Variants in ORC3 observed in about 807,000 individuals in gnomAD.
ORC3 encodes the protein origin recognition complex subunit 3.
ORC3 carries 78 observed loss-of-function variants against 100.7 expected under a neutral mutation model. The observed-to-expected ratio is 0.77, with a 90% CI of 0.65 to 0.94. The LOEUF is 0.94. Among genes scored for constraint, ORC3 ranks in the 40% least tolerant of loss-of-function variants. ORC3 has a pLI of 0.00. For synonymous variants in ORC3, 295 were observed against 289.3 expected (o/e 1.02, Z -0.20); for missense variants, 789 against 823.9 (o/e 0.96, Z 0.52).
At chr6:87,611,674 C>T (rs1263297478) in intron 7 of ORC3, among the ~76,000 whole-genome samples, 3 of 151,466 alleles carry the variant, frequency 2.0e-5, no homozygotes. Flanking sequence ...CCCAGCTACT[C>T]GGGAGGCTGA....
downstream of ORC3, among the ~76,000 whole-genome samples, chr6:87,669,579 G>A (rs890558540): frequency 1.3e-5 from 2 of 152,200 alleles, no homozygotes; most frequent in African/African-American, 4.8e-5. Flanking sequence ...TTGAGTGAGG[G>A]TGTGGAACAC....
chr6:87,666,516 G>T (rs554641952), intron 19 of ORC3, among the ~76,000 whole-genome samples: 2 of 137,734 alleles, frequency 1.5e-5, no homozygotes, highest in African/African-American at 5.6e-5. Context: ...TCGGCTCACC[G>T]CAACCTCCAC....
intron 2 of ORC3, among the ~76,000 whole-genome samples, chr6:87,596,880 A>G (rs1211056825): frequency 3.3e-5 from 5 of 152,184 alleles, no homozygotes; most frequent in Admixed American, 1.3e-4. Flanking sequence ...TGCACATATA[A>G]TTACAGGTAA....
chr6:87,627,112 C>T (rs1414031795), intron 11 of ORC3, among the ~76,000 whole-genome samples: 2 of 151,748 alleles, frequency 1.3e-5, no homozygotes, highest in Non-Finnish European at 2.9e-5. Flanking sequence ...GTTCTCCTGC[C>T]TCAGCCTCCC....
At chr6:87,663,377 T>C (rs572217532) in intron 17 of ORC3, among the ~76,000 whole-genome samples, 12 of 152,372 alleles carry the variant, frequency 7.9e-5, no homozygotes, top group Admixed American at 2.0e-4. Flanking sequence ...GTGTAATCTT[T>C]GCCCTTCACA....
chr6:87,603,435 C>T lies in ORC3; in HGVS notation c.229C>T (p.Leu77=), dbSNP rs775371936. The T allele has an allele frequency of 1.3e-6, 2 of 1,529,202 alleles. No individual in the cohort carries two copies. The allele number at this position is 1,529,202 out of a possible 1,614,324, so 94.7% of individuals were successfully genotyped here. Reference sequence around the variant, plus strand: ...CTTGTTTGACAATCTGATTGAATTTCTGCAAAAATCACATTCTGGATTCCA... The same window carrying T: ...CTTGTTTGACAATCTGATTGAATTTTTGCAAAAATCACATTCTGGATTCCA... ...KNLFDNLIEF[L]QKSHSGFQKN... is the part of the protein sequence containing the mutation. The change falls in exon 4 of 20, where the codon CTG becomes TTG. Residue 77 remains leucine (L), a synonymous_variant. Coordinates refer to ENST00000392844, the MANE Select transcript of ORC3 (RefSeq NM_012381.4).
chr6:87,655,102 GCTAT>G (rs1351865747), intron 14 of ORC3, among the ~76,000 whole-genome samples: 1 of 152,204 alleles, frequency 6.6e-6, no homozygotes, highest in Admixed American at 6.5e-5. Context: ...TTGGCTATAT[GCTAT>G]CTGTGTTCCT....
chr6:87,634,859 A>T lies in ORC3; in HGVS notation c.1200A>T (p.Leu400Phe). Residue 400 changes from leucine to phenylalanine, a missense_variant, in exon 12 of 20, where the codon TTA becomes TTT. Physicochemically the swap from Leu to Phe is conservative, Grantham distance 22 (BLOSUM62 0). Transcript: ENST00000392844. ...NERYLKEETQ[L>F]LLENLHVYHM... ...GTGATTTTTAGGAGGAAACACAATT[A>T]TTACTAGAAAACCTGCATGTTTATC... 6.5e-7 allele frequency: 1 copy of T among 1,536,630 alleles called. No homozygotes were observed. The highest frequency in any genetic ancestry group is 9.0e-7 in the Non-Finnish European group (1 of 1,110,178).
chr6:87,666,749 T>G (rs1770676936), intron 19 of ORC3, among the ~76,000 whole-genome samples: 1 of 152,154 alleles, frequency 6.6e-6, no homozygotes, highest in South Asian at 2.1e-4. Flanking sequence ...GAATTCTCTA[T>G]TTTTCTAATG....
chr6:87,624,700 T>G (rs1779765876), intron 11 of ORC3, among the ~76,000 whole-genome samples: 1 of 152,206 alleles, frequency 6.6e-6, no homozygotes, highest in Admixed American at 6.5e-5. Context: ...CAATTTTCTT[T>G]TTTTTAATTA....
At chr6:87,675,527 T>G in the ORC3 span, 1 of 1,581,608 alleles carries the variant, frequency 6.3e-7, no homozygotes, top group South Asian at 1.1e-5. Context: ...CATTGCTGCA[T>G]GTCATAATTG....
At chr6:87,665,254 T>C (rs963791332) in intron 18 of ORC3, among the ~76,000 whole-genome samples, 18 of 152,196 alleles carry the variant, frequency 1.2e-4, no homozygotes, top group African/African-American at 4.1e-4. Context: ...TTGAAGTAAC[T>C]ACACAACAGA....
At chr6:87,676,596 AACACACACAC>A in the ORC3 span, among the ~76,000 whole-genome samples, 40,500 of 142,032 alleles carry the variant, frequency 0.29, 5,792 homozygotes, top group Middle Eastern at 0.37. Flanking sequence ...CTCTACTAAA[AACACACACAC>A]ACACACACAC....
intron 13 of ORC3, among the ~76,000 whole-genome samples, chr6:87,648,979 A>G (rs1769026327): frequency 6.6e-6 from 1 of 152,212 alleles, no homozygotes. Context: ...GTGTACACTC[A>G]CACCAACCAT....
intron 3 of ORC3, among the ~76,000 whole-genome samples, chr6:87,602,468 T>C (rs1419103084): frequency 7.6e-6 from 1 of 131,504 alleles, no homozygotes; most frequent in African/African-American, 2.6e-5. Context: ...GGCTGACAAC[T>C]TTTTTTTTTT....
chr6:87,652,341 T>G (rs932885442), intron 13 of ORC3, among the ~76,000 whole-genome samples: 8 of 152,230 alleles, frequency 5.3e-5, no homozygotes, highest in African/African-American at 1.9e-4. Context: ...ATGATCTTAG[T>G]GGAGAAATCC....
chr6:87,604,311 T>TTA (rs1778177854), intron 4 of ORC3, among the ~76,000 whole-genome samples: 1 of 152,222 alleles, frequency 6.6e-6, no homozygotes, highest in African/African-American at 2.4e-5. Flanking sequence ...CCAGGGATCG[T>TTA]ATTAAAATGT....
chr6:87,655,351 G>GA (rs1769594031), intron 14 of ORC3, among the ~76,000 whole-genome samples: 1 of 134,434 alleles, frequency 7.4e-6, no homozygotes, highest in Non-Finnish European at 1.6e-5. Context: ...ACATCCAGCT[G>GA]AATTTTTTTT....
At chr6:87,630,232 C>A in intron 11 of ORC3, among the ~76,000 whole-genome samples, 1 of 151,878 alleles carries the variant, frequency 6.6e-6, no homozygotes, top group Non-Finnish European at 1.5e-5. Context: ...ATAATGAGAC[C>A]CCATCTCTAC....
Sources: allele counts gnomAD v4.1 joint callset (sites outside exome capture counted in the v4.1 genomes callset), GRCh38; gene constraint gnomAD v4.1.1; transcripts MANE v1.5; gene names NCBI Gene and HGNC (gene_info 2026-07-23, HGNC 2026-07-21).